ZNF280C: variants seen among roughly 807,000 people sequenced by gnomAD.
ZNF280C encodes the protein suppressor of hairy wing homolog 3.
Under a neutral mutation model 53.6 loss-of-function variants are expected in ZNF280C, and 14 were observed. That is an observed-to-expected ratio of 0.26 (90% confidence interval 0.17 to 0.41). The LOEUF is 0.41. Ranked by LOEUF, ZNF280C falls within the 10% of genes least tolerant of loss-of-function variation. The probability of loss-of-function intolerance (pLI) is 1.00; values close to 1 mark genes in which losing one functional copy is unlikely to be tolerated. For missense variants in ZNF280C, 416 were observed against 547.1 expected (o/e 0.76, Z 2.39); for synonymous variants, 203 against 181.1 (o/e 1.12, Z -0.97).
At chrX:130,237,603 G>C (rs2032348170) in intron 6 of ZNF280C, among the ~76,000 whole-genome samples, 1 of 111,595 alleles carries the variant, frequency 9.0e-6, no homozygotes, top group Non-Finnish European at 1.9e-5. Context: ...ACTGCATGTC[G>C]TGTTTTAAAA....
At chrX:130,250,141 A>G (rs2032491853) in intron 2 of ZNF280C, among the ~76,000 whole-genome samples, 1 of 112,044 alleles carries the variant, frequency 8.9e-6, no homozygotes, top group Non-Finnish European at 1.9e-5. Flanking sequence ...GACTTCTGAG[A>G]AATATGGGAT....
chrX:130,249,802 G>C (rs140991707), intron 2 of ZNF280C, among the ~76,000 whole-genome samples: 1 of 111,798 alleles, frequency 8.9e-6, no homozygotes. Flanking sequence ...GGTTCCGAAG[G>C]GGGCTGAGAT....
At chrX:130,212,857 G>C (rs183038316) in intron 15 of ZNF280C, among the ~76,000 whole-genome samples, 59 of 111,527 alleles carry the variant, frequency 5.3e-4, no homozygotes, top group Middle Eastern at 4.6e-3. Context: ...TGGAGGAAAT[G>C]CAAGAGATGA....
chrX:130,216,392 T>C (rs183005299), intron 13 of ZNF280C, among the ~76,000 whole-genome samples: 9 of 112,064 alleles, frequency 8.0e-5, no homozygotes, highest in Non-Finnish European at 1.5e-4. Flanking sequence ...GAAAATACAG[T>C]AGTAAATTCT....
intron 8 of ZNF280C, 127 bp from the exon 9 acceptor site, chrX:130,230,854 AC>A: frequency 2.6e-6 from 1 of 386,954 alleles, no homozygotes; most frequent in Non-Finnish European, 4.3e-6. Context: ...CTAGAAAGAT[AC>A]TGACCAAAAT....
At chrX:130,267,647 C>T (rs1056674194) in intron 1 of ZNF280C, among the ~76,000 whole-genome samples, 1 of 111,831 alleles carries the variant, frequency 8.9e-6, no homozygotes, top group African/African-American at 3.3e-5. Flanking sequence ...AGGTACACAG[C>T]CCTAATTTTA....
At chrX:130,218,211 TAGAG>T (rs1165430694) in intron 13 of ZNF280C, among the ~76,000 whole-genome samples, 7 of 111,423 alleles carry the variant, frequency 6.3e-5, no homozygotes, top group East Asian at 2.8e-4. Flanking sequence ...CTTTCACAAA[TAGAG>T]AGGTCAAAAT....
chrX:130,219,417 G>A (rs1281821426), intron 13 of ZNF280C, among the ~76,000 whole-genome samples: 3 of 105,415 alleles, frequency 2.8e-5, no homozygotes, highest in Non-Finnish European at 5.8e-5. Flanking sequence ...AACCCGGGAG[G>A]CGGAGGCTGC....
At chrX:130,258,118 AAAAAAAT>A (rs1386154771) in intron 2 of ZNF280C, among the ~76,000 whole-genome samples, 1 of 111,325 alleles carries the variant, frequency 9.0e-6, no homozygotes, top group East Asian at 2.8e-4. Flanking sequence ...ACTCTGTCTC[AAAAAAAT>A]AAAAAATAAA....
intron 13 of ZNF280C, among the ~76,000 whole-genome samples, chrX:130,220,018 C>A (rs929349028): frequency 9.0e-6 from 1 of 111,183 alleles, no homozygotes. Flanking sequence ...TAGTTTGTTT[C>A]TATTATCATA....
Position 130,209,683 on chromosome X carries a change from C to A in ZNF280C, c.2012G>T (p.Cys671Phe). The change falls in exon 16 of 19, where the codon TGT becomes TTT. Residue 671 changes from cysteine (C) to phenylalanine (F), a missense_variant. Physicochemically the swap from Cys to Phe is radical, Grantham distance 205 (BLOSUM62 -2). This residue lies in a region of ZNF280C where 151 missense variants were observed against 176.9 expected (regional missense o/e 0.85). Coordinates refer to ENST00000370978, the MANE Select transcript of ZNF280C (RefSeq NM_017666.5). The stretch of plus-strand genomic sequence containing the variant: ...AGTTCCTGAATGCTTCTTGAAAATA[C>A]AAAACCGTTTACCTGGATGGTTGCT... ...SHSNHPGKRF[C>F]IFKKHSGTLR... 1 of 1,206,765 alleles carries A rather than the reference C, an allele frequency of 8.3e-7. No homozygotes were observed. Among genetic ancestry groups the A allele is most frequent in the Non-Finnish European group, 1.1e-6 (1 of 893,143 alleles).
chrX:130,216,092 G>A lies in ZNF280C; in HGVS notation c.1537C>T (p.Arg513Ter). The change falls in exon 14 of 19, where the codon CGA becomes TGA. Residue 513 changes from arginine (R) to a stop codon, truncating the protein, a stop_gained. Transcript: ENST00000370978. LOFTEE classifies it high-confidence loss of function. ...GLPPGAKVTI[R>*]ASLGPLQSKL... ...GACTGGAGAGGTCCAAGTGAAGCTC[G>A]AATAGTAACCTATAAAAACAAAGCC... is the stretch of plus-strand genomic sequence containing the variant. The A allele has an allele frequency of 1.7e-6, 2 of 1,199,177 alleles. No homozygotes were observed. The highest frequency in any genetic ancestry group is 2.2e-6 in the Non-Finnish European group (2 of 888,985).
chrX:130,223,755 CA>C (rs2032192927), intron 12 of ZNF280C, among the ~76,000 whole-genome samples: 1 of 111,821 alleles, frequency 8.9e-6, no homozygotes, highest in Non-Finnish European at 1.9e-5. Context: ...CAAAATCACT[CA>C]AGACATAATA....
chrX:130,243,572 C>T lies in ZNF280C; in HGVS notation c.372G>A (p.Ala124=), dbSNP rs376992169. Residue 124 remains alanine (A), a synonymous_variant, in exon 5 of 19, where the codon GCG becomes GCA. Coordinates refer to ENST00000370978, the MANE Select transcript of ZNF280C (RefSeq NM_017666.5). ...SSQSSVTVEN[A]SKPDFTKNSQ... ...TTTTATAAACACTTACAGGTTTAGA[C>T]GCATTCTCAACAGTAACAGAGCTTT... is the stretch of plus-strand genomic sequence containing the variant. The T allele has an allele frequency of 1.1e-4, 128 of 1,206,778 alleles. No individual in the cohort carries two copies. Among genetic ancestry groups the T allele is most frequent in the African/African-American group, 2.4e-4 (14 of 57,169 alleles).
chrX:130,215,079 A>T, intron 15 of ZNF280C, 114 bp downstream of exon 15: 1 of 756,516 alleles, frequency 1.3e-6, no homozygotes, highest in Non-Finnish European at 1.9e-6. Flanking sequence ...CCCTATTGCT[A>T]GACCCTTTTA....
chrX:130,256,633 C>T (rs1366413570), intron 2 of ZNF280C, among the ~76,000 whole-genome samples: 1 of 110,468 alleles, frequency 9.1e-6, no homozygotes, highest in African/African-American at 3.3e-5. Context: ...TAGCTCACGA[C>T]CTTAATCCCA....
intron 12 of ZNF280C, among the ~76,000 whole-genome samples, chrX:130,223,538 A>C (rs2032190964): frequency 8.9e-6 from 1 of 112,182 alleles, no homozygotes; most frequent in South Asian, 3.8e-4. Context: ...TCATCTATAA[A>C]ATGAAAACAA....
rs1328977728 is a variant in ZNF280C, at chrX:130,215,826, T to C, written c.1803A>G (p.Arg601=). The change falls in exon 14 of 19, where the codon AGA becomes AGG. Residue 601 remains arginine (R), a synonymous_variant. Transcript: ENST00000370978. ...TCAAAGCAAGGCTCATTTTATTTTTTCTGTTGCGCTGTCGCTTTTGCTTGT... is the reference window on the plus strand; with the variant it reads ...TCAAAGCAAGGCTCATTTTATTTTTCCTGTTGCGCTGTCGCTTTTGCTTGT... ...PSYKQKRQRN[R]KNKMSLALKN... 1 of 1,204,879 alleles carries C rather than the reference T, an allele frequency of 8.3e-7. No homozygotes were observed. Among genetic ancestry groups the C allele is most frequent in the Non-Finnish European group, 1.1e-6 (1 of 893,547 alleles).
chrX:130,253,797 C>T (rs781752024), intron 2 of ZNF280C, among the ~76,000 whole-genome samples: 2 of 111,917 alleles, frequency 1.8e-5, no homozygotes, highest in South Asian at 7.4e-4. Flanking sequence ...AAACCCAAAA[C>T]TATAAAAACC....
Sources: gnomAD v4.1 joint callset for allele counts (sites outside exome capture counted in the v4.1 genomes callset) on GRCh38, gnomAD v4.1.1 for gene constraint, gnomAD v4.1.1 regional missense constraint, MANE v1.5 for transcripts, NCBI Gene and HGNC (gene_info 2026-07-23, HGNC 2026-07-21) for gene names.